The following TOGARAM1 variants were observed in gnomAD, a reference collection of about 807,000 sequenced individuals.
TOGARAM1 encodes the protein TOG array regulator of axonemal microtubules 1.
In TOGARAM1, 100 loss-of-function variants were observed where a neutral mutation model predicts 166.6. The ratio of observed to expected loss-of-function variants is 0.60; its 90% confidence interval spans 0.51 to 0.71. The LOEUF (loss-of-function observed/expected upper bound fraction) is 0.71, where lower values mean the gene tolerates loss of function less well. Among genes scored for constraint, TOGARAM1 ranks in the 30% least tolerant of loss-of-function variants. The pLI is 0.00. For synonymous variants in TOGARAM1, 758 were observed against 763.8 expected (o/e 0.99, Z 0.13); for missense variants, 2,029 against 2,102.7 (o/e 0.96, Z 0.69).
intron 1 of TOGARAM1, among the ~76,000 whole-genome samples, chr14:44,980,434 G>T (rs939844579): frequency 6.6e-6 from 1 of 152,200 alleles, no homozygotes; most frequent in Non-Finnish European, 1.5e-5. Context: ...TGAGAGGTCA[G>T]TGTGGGTGAG....
intron 7 of TOGARAM1, among the ~76,000 whole-genome samples, chr14:45,020,046 G>A (rs1448427548): frequency 1.3e-5 from 2 of 152,130 alleles, no homozygotes; most frequent in Non-Finnish European, 2.9e-5. Context: ...GCCATTTGTA[G>A]CTTTACCGCT....
At chr14:45,000,799 C>T (rs1887658822) in intron 3 of TOGARAM1, among the ~76,000 whole-genome samples, 1 of 152,080 alleles carries the variant, frequency 6.6e-6, no homozygotes, top group Non-Finnish European at 1.5e-5. Flanking sequence ...GGCTGGAGTG[C>T]AATGGCTCAC....
Position 44,969,215 on chromosome 14 carries a change from G to A in TOGARAM1, c.2046+4748G>A, listed in dbSNP as rs147052510. Among the ~76,000 whole-genome samples the A allele has an allele frequency of 2.5e-3, 362 of 144,142 alleles. 4 individuals carry two copies. Among genetic ancestry groups the A allele is most frequent in the African/African-American group, 8.9e-3 (342 of 38,566 alleles). The allele number at this position is 144,142 out of a possible 152,430, so 94.6% of individuals were successfully genotyped here. ...GACAGCCCAGGCTGGAGTGCAGTGC[G>A]ATCTCGGCTCACTGCAACCTCTGCC... is the stretch of plus-strand genomic sequence containing the variant. On this transcript the variant is annotated intron_variant, in intron 1 of 19. Coordinates refer to ENST00000361462, the MANE Select transcript of TOGARAM1 (RefSeq NM_001308120.2).
chr14:45,024,536 C>A (rs1413268810), intron 7 of TOGARAM1, among the ~76,000 whole-genome samples: 1 of 151,976 alleles, frequency 6.6e-6, no homozygotes, highest in Non-Finnish European at 1.5e-5. Flanking sequence ...GATAACATGT[C>A]TTTTATATTT....
chr14:44,980,834 G>A (rs1230779665), intron 1 of TOGARAM1, among the ~76,000 whole-genome samples: 2 of 152,178 alleles, frequency 1.3e-5, no homozygotes, highest in African/African-American at 4.8e-5. Flanking sequence ...TCTTTTGGGG[G>A]AGGGGGTCTT....
chr14:44,979,514 A>T (rs1354010351), intron 1 of TOGARAM1, among the ~76,000 whole-genome samples: 1 of 152,154 alleles, frequency 6.6e-6, no homozygotes, highest in African/African-American at 2.4e-5. Flanking sequence ...CACGTTGGGG[A>T]TTAGATTTCA....
intron 6 of TOGARAM1, among the ~76,000 whole-genome samples, chr14:45,011,708 T>G (rs927084143): frequency 2.0e-5 from 3 of 152,046 alleles, no homozygotes; most frequent in Non-Finnish European, 4.4e-5. Flanking sequence ...GGCAATCCTG[T>G]CTTGAGTAAT....
intron 7 of TOGARAM1, among the ~76,000 whole-genome samples, chr14:45,014,339 T>C (rs1879993422): frequency 6.6e-6 from 1 of 152,194 alleles, no homozygotes. Context: ...GTAACATCTG[T>C]TAATTCTGGG....
In TOGARAM1 at chr14:45,045,599, GTGTGTGTGTGTGTGTGTGTA is replaced by G. The variant is rs1464747590; in HGVS notation, c.4154+731_4154+750del. On this transcript the variant is annotated intron_variant, in intron 13 of 19. Transcript: ENST00000361462. The stretch of plus-strand genomic sequence containing the variant: ...TATATATATATGTGTGTGTGTGTGT[GTGTGTGTGTGTGTGTGTGTA>G]TATATATGTATATATATACATATAT... Among the ~76,000 whole-genome samples, 11 of 74,376 alleles carry G rather than the reference GTGTGTGTGTGTGTGTGTGTA, an allele frequency of 1.5e-4. 1 individual carries two copies. Among genetic ancestry groups the G allele is most frequent in the African/African-American group, 6.7e-4 (9 of 13,458 alleles). 48.8% of individuals were successfully genotyped at this position (74,376 alleles called of 152,430 possible).
intron 15 of TOGARAM1, among the ~76,000 whole-genome samples, chr14:45,053,986 C>G (rs1330514909): frequency 2.0e-5 from 3 of 152,078 alleles, no homozygotes; most frequent in Admixed American, 2.0e-4. Flanking sequence ...TCAAGGAATT[C>G]TCCTGCCTCA....
At chr14:45,035,494 A>G (rs771457595) in intron 11 of TOGARAM1, among the ~76,000 whole-genome samples, 9 of 152,238 alleles carry the variant, frequency 5.9e-5, no homozygotes, top group Non-Finnish European at 5.9e-5. Context: ...GACAGAAAAG[A>G]ATATTTGTAG....
At chr14:44,976,271 A>G (rs903179054) in intron 1 of TOGARAM1, among the ~76,000 whole-genome samples, 13 of 151,984 alleles carry the variant, frequency 8.6e-5, no homozygotes, top group African/African-American at 3.1e-4. Flanking sequence ...TAACCTATTG[A>G]TTTTCTGGCC....
At chr14:45,015,657 A>G (rs960052138) in intron 7 of TOGARAM1, among the ~76,000 whole-genome samples, 1 of 151,342 alleles carries the variant, frequency 6.6e-6, no homozygotes, top group African/African-American at 2.4e-5. Context: ...AGCCCTTTAT[A>G]TGCATTTTCT....
rs762405947 is a variant in TOGARAM1, at chr14:44,963,227, CAGA to C, written c.814_816del (p.Glu272del). 6 of 1,614,046 alleles carry C rather than the reference CAGA, an allele frequency of 3.7e-6. No individual in the cohort carries two copies. Among genetic ancestry groups the C allele is most frequent in the African/African-American group, 1.3e-5 (1 of 74,918 alleles). On this transcript the variant is annotated inframe_deletion, in exon 1 of 20. Coordinates refer to ENST00000361462, the MANE Select transcript of TOGARAM1 (RefSeq NM_001308120.2). ...GCCCGAAAGCTTGGTGATCAGGAGA[CAGA>C]AGAAGAATCTGAGACAGCTTTCTCC... is the stretch of plus-strand genomic sequence containing the variant.
At chr14:45,028,412 T>G (rs1195424507) in intron 10 of TOGARAM1, 83 bp downstream of exon 10, 1 of 1,369,392 alleles carries the variant, frequency 7.3e-7, no homozygotes. Context: ...GAGGGTAATA[T>G]ATGACTAAGA....
intron 1 of TOGARAM1, among the ~76,000 whole-genome samples, chr14:44,993,539 C>T (rs904978678): frequency 6.6e-6 from 1 of 152,146 alleles, no homozygotes; most frequent in Non-Finnish European, 1.5e-5. Context: ...AACGTTAACT[C>T]ACAACTCTTT....
chr14:44,983,199 T>C (rs1886620247), intron 1 of TOGARAM1, among the ~76,000 whole-genome samples: 1 of 152,134 alleles, frequency 6.6e-6, no homozygotes, highest in Non-Finnish European at 1.5e-5. Context: ...GGAAAGGAGA[T>C]ATGTTCCTAA....
chr14:44,990,796 T>A (rs1032206750), intron 1 of TOGARAM1, among the ~76,000 whole-genome samples: 2 of 152,060 alleles, frequency 1.3e-5, no homozygotes, highest in African/African-American at 4.8e-5. Context: ...TTTACAGATA[T>A]TTTAAAAAAA....
At chr14:45,001,808 G>C (rs1462835671) in intron 3 of TOGARAM1, among the ~76,000 whole-genome samples, 2 of 152,036 alleles carry the variant, frequency 1.3e-5, no homozygotes, top group Non-Finnish European at 2.9e-5. Flanking sequence ...CTCTTATTAG[G>C]AACCGTAACT....
Sources: allele counts gnomAD v4.1 joint callset (sites outside exome capture counted in the v4.1 genomes callset), GRCh38; gene constraint gnomAD v4.1.1; transcripts MANE v1.5; gene names NCBI Gene and HGNC (gene_info 2026-07-23, HGNC 2026-07-21).